SRGAP1: variants seen among roughly 807,000 people sequenced by gnomAD.
SRGAP1 encodes the protein SLIT-ROBO Rho GTPase activating protein 1.
A neutral mutation model predicts 121.9 loss-of-function variants in SRGAP1; 43 were observed. The ratio of observed to expected loss-of-function variants is 0.35; its 90% CI spans 0.28 to 0.46. The LOEUF (loss-of-function observed/expected upper bound fraction) is 0.46, where lower values mean the gene tolerates loss of function less well. Ranked by LOEUF, SRGAP1 falls within the 20% of genes least tolerant of loss-of-function variation. The pLI is 1.00. For synonymous variants in SRGAP1, 447 were observed against 485.4 expected (o/e 0.92, Z 1.04); for missense variants, 1,102 against 1,350.9 (o/e 0.82, Z 2.89).
At chr12:63,920,202 G>A (rs745812105) in intron 1 of SRGAP1, among the ~76,000 whole-genome samples, 6 of 152,182 alleles carry the variant, frequency 3.9e-5, no homozygotes, top group African/African-American at 7.2e-5. Flanking sequence ...AGTCTGGTGG[G>A]TATAACATTG....
rs2037060375 is a variant in SRGAP1 at position 64,146,883 on chromosome 12, C to CT, written c.*4213dup. ...GCTTTCACTTACCCTAGTATACGTT[C>CT]TTAAAAAAAAAAAAAAGTCTATGTG... is the stretch of plus-strand genomic sequence containing the variant. On this transcript the variant is annotated 3_prime_UTR_variant, in exon 22 of 22. Coordinates refer to ENST00000355086, the MANE Select transcript of SRGAP1 (RefSeq NM_020762.4). 2.0e-5 allele frequency: 2 copies of CT among 99,456 alleles called. No homozygotes were observed. The highest frequency in any genetic ancestry group is 7.2e-4 in the South Asian group (2 of 2,784). The allele number at this position is 99,456 out of a possible 1,614,324, so 6.2% of individuals were successfully genotyped here.
intron 1 of SRGAP1, among the ~76,000 whole-genome samples, chr12:63,960,037 A>G (rs796485230): frequency 5.9e-5 from 8 of 136,372 alleles, no homozygotes; most frequent in African/African-American, 2.4e-4. Context: ...TCCTTGTACT[A>G]TGTGTGCATC....
intron 1 of SRGAP1, among the ~76,000 whole-genome samples, chr12:63,948,829 T>C (rs2032139114): frequency 7.1e-6 from 1 of 140,490 alleles, no homozygotes. Context: ...GTTTTCCATA[T>C]ATATATTCCA....
intron 7 of SRGAP1, 99 bp downstream of exon 7, chr12:64,063,237 T>A (rs1247447687): frequency 2.4e-5 from 27 of 1,121,396 alleles, no homozygotes; most frequent in Non-Finnish European, 3.2e-5. Context: ...CCAGTTGTTT[T>A]CTCTCTCCTG....
intron 4 of SRGAP1, among the ~76,000 whole-genome samples, chr12:64,033,003 T>C (rs550069527): frequency 3.9e-4 from 59 of 152,268 alleles, no homozygotes; most frequent in African/African-American, 1.3e-3. Flanking sequence ...AATAAAAATA[T>C]TTTTTAAATC....
At chr12:64,120,828 G>A (rs1009463672) in intron 18 of SRGAP1, among the ~76,000 whole-genome samples, 1 of 152,044 alleles carries the variant, frequency 6.6e-6, no homozygotes, top group Non-Finnish European at 1.5e-5. Flanking sequence ...TACCTCTCTG[G>A]GTTCCCACTT....
chr12:63,884,608 C>G (rs1900308819), intron 1 of SRGAP1, among the ~76,000 whole-genome samples: 1 of 152,044 alleles, frequency 6.6e-6, no homozygotes, highest in African/African-American at 2.4e-5. Flanking sequence ...CTGTAATCAC[C>G]CTGCTGTGCA....
chr12:64,061,662 A>G (rs1242477323), intron 6 of SRGAP1, among the ~76,000 whole-genome samples: 1 of 152,228 alleles, frequency 6.6e-6, no homozygotes, highest in East Asian at 1.9e-4. Context: ...TTATCCCACA[A>G]AGAAATCCTG....
intron 2 of SRGAP1, among the ~76,000 whole-genome samples, 159 bp from the exon 3 acceptor site, chr12:63,989,751 C>T (rs1332674352): frequency 6.6e-6 from 1 of 152,244 alleles, no homozygotes; most frequent in Non-Finnish European, 1.5e-5. Flanking sequence ...GAAGCCTGTT[C>T]TGCTGGCTGA....
intron 1 of SRGAP1, among the ~76,000 whole-genome samples, chr12:63,908,963 T>C (rs1234699710): frequency 6.6e-6 from 1 of 152,106 alleles, no homozygotes; most frequent in Admixed American, 6.6e-5. Context: ...CCATCTTGGC[T>C]CACTCCAACC....
chr12:64,067,765 T>C (rs1464796287), intron 8 of SRGAP1, among the ~76,000 whole-genome samples: 1 of 152,048 alleles, frequency 6.6e-6, no homozygotes, highest in East Asian at 1.9e-4. Context: ...GAAGGTGAGG[T>C]CATTCAACAA....
At chr12:64,061,867 C>T (rs2035455243) in intron 6 of SRGAP1, among the ~76,000 whole-genome samples, 1 of 152,064 alleles carries the variant, frequency 6.6e-6, no homozygotes, top group African/African-American at 2.4e-5. Flanking sequence ...TGTATCAGTT[C>T]TTCCTTCCTT....
intron 18 of SRGAP1, 80 bp downstream of exon 18, chr12:64,115,973 G>GGCAAA: frequency 1.5e-6 from 2 of 1,340,200 alleles, no homozygotes; most frequent in Non-Finnish European, 2.1e-6. Context: ...ACATTTTAGA[G>GGCAAA]GCAAAGCACA....
intron 1 of SRGAP1, among the ~76,000 whole-genome samples, chr12:63,913,511 A>G (rs1006374007): frequency 6.8e-6 from 1 of 146,476 alleles, no homozygotes; most frequent in African/African-American, 2.5e-5. Flanking sequence ...ATATGTGTAT[A>G]TATATATACA....
rs1306962289 is a variant in SRGAP1 at position 64,148,545 on chromosome 12, C to T, written c.*5873C>T. 1 of 151,970 alleles carries T rather than the reference C, an allele frequency of 6.6e-6. No individual in the cohort carries two copies. The highest frequency in any genetic ancestry group is 1.5e-5 in the Non-Finnish European group (1 of 67,998). The allele number at this position is 151,970 out of a possible 1,614,324, so 9.4% of individuals were successfully genotyped here. ...GATCTATCTACCTGCCTCAGCCTCC[C>T]AAGTGCTGGGATTACAGGTGTGAGC... On this transcript the variant is annotated 3_prime_UTR_variant, in exon 22 of 22. Transcript: ENST00000355086.
intron 3 of SRGAP1, among the ~76,000 whole-genome samples, chr12:63,991,809 A>C (rs566467354): frequency 9.3e-4 from 141 of 152,336 alleles, no homozygotes; most frequent in African/African-American, 3.3e-3. Context: ...AGGACCAGTA[A>C]CTCTACTGAG....
chr12:63,945,204 G>C (rs913250724), intron 1 of SRGAP1, among the ~76,000 whole-genome samples: 3 of 151,420 alleles, frequency 2.0e-5, no homozygotes, highest in African/African-American at 7.3e-5. Flanking sequence ...TAATGTTAAT[G>C]AATGGTTCTT....
rs753137405 is a variant in SRGAP1 at position 63,984,151 on chromosome 12, T to G, written c.263+9T>G. 8 of 1,419,140 alleles carry G rather than the reference T, an allele frequency of 5.6e-6. No homozygotes were observed. In the South Asian group the frequency reaches 1.3e-4, roughly 23 times the overall value. 87.9% of individuals were successfully genotyped at this position (1,419,140 alleles called of 1,614,324 possible). On this transcript the variant is annotated intron_variant, in intron 2 of 21. Transcript: ENST00000355086. ...GATCATCAACAATACAAGTAAGAGA[T>G]TTGAATCTAATTCACCTTTCCAAGG...
chr12:63,926,132 A>AT (rs2031251994), intron 1 of SRGAP1, among the ~76,000 whole-genome samples: 1 of 152,214 alleles, frequency 6.6e-6, no homozygotes, highest in South Asian at 2.1e-4. Context: ...GTTTGATATT[A>AT]TACCACTGGT....
Sources: gnomAD v4.1 joint callset for allele counts (sites outside exome capture counted in the v4.1 genomes callset) on GRCh38, gnomAD v4.1.1 for gene constraint, MANE v1.5 for transcripts, NCBI Gene and HGNC (gene_info 2026-07-23, HGNC 2026-07-21) for gene names.